The following SCN11A variants were observed in gnomAD, a reference collection of about 807,000 sequenced individuals.
SCN11A encodes the protein sodium channel protein type 11 subunit alpha.
SCN11A carries 122 observed loss-of-function variants against 162.2 expected under a neutral mutation model. The observed-to-expected ratio is 0.75, with a 90% CI of 0.65 to 0.87. SCN11A has a LOEUF of 0.87. Ranked by LOEUF, SCN11A falls within the 40% of genes least tolerant of loss-of-function variation. The pLI, the probability that SCN11A is intolerant of heterozygous loss-of-function variation, is 0.00. For missense variants in SCN11A, 2,015 were observed against 2,181.6 expected (o/e 0.92, Z 1.52); for synonymous variants, 758 against 751.5 (o/e 1.01, Z -0.14).
At chr3:39,013,822 C>G (rs1036999884) in intron 2 of SCN11A, among the ~76,000 whole-genome samples, 1 of 152,226 alleles carries the variant, frequency 6.6e-6, no homozygotes, top group African/African-American at 2.4e-5. Context: ...AACAGCAGGT[C>G]TGGCTGTATC....
intron 11 of SCN11A, among the ~76,000 whole-genome samples, chr3:38,916,369 C>T (rs1274945656): frequency 6.6e-6 from 1 of 152,180 alleles, no homozygotes; most frequent in African/African-American, 2.4e-5. Context: ...ATGCATCCAT[C>T]CAGCTTTCTT....
intron 20 of SCN11A, 32 bp from the exon 21 acceptor site, chr3:38,885,434 T>A: frequency 8.4e-7 from 1 of 1,186,026 alleles, no homozygotes. Flanking sequence ...AGGGGGTGCC[T>A]TTTACTAAGA....
In SCN11A at chr3:38,988,660, C is replaced by T. The variant is rs182675100; in HGVS notation, c.-279-28237G>A. On this transcript the variant is annotated intron_variant, in intron 2 of 29. Coordinates refer to ENST00000302328, the MANE Select transcript of SCN11A (RefSeq NM_001349253.2). ...ATATTCCCTCCCCTCATAACAACTC[C>T]GTTCAGAGTGTTATAAGACTGCTAG... Among the ~76,000 whole-genome samples, 537 of 152,286 alleles carry T rather than the reference C, an allele frequency of 3.5e-3. 3 individuals carry two copies. Among genetic ancestry groups the T allele is most frequent in the Non-Finnish European group, 7.6e-4 (52 of 68,036 alleles).
intron 28 of SCN11A, among the ~76,000 whole-genome samples, chr3:38,856,277 A>T (rs1482618871): frequency 6.6e-6 from 1 of 152,196 alleles, no homozygotes; most frequent in Non-Finnish European, 1.5e-5. Context: ...CACAGTATGG[A>T]GGCATCTATA....
intron 2 of SCN11A, among the ~76,000 whole-genome samples, chr3:38,968,934 A>G (rs1232573425): frequency 6.6e-6 from 1 of 152,232 alleles, no homozygotes; most frequent in African/African-American, 2.4e-5. Context: ...GTATTTATAT[A>G]TGTGGTCTCC....
chr3:38,995,875 C>G (rs2125596155), intron 2 of SCN11A, among the ~76,000 whole-genome samples: 1 of 133,746 alleles, frequency 7.5e-6, no homozygotes, highest in East Asian at 2.3e-4. Flanking sequence ...GAACCCTGAC[C>G]AATACAAAGC....
chr3:38,939,360 A>C (rs2066405756), intron 7 of SCN11A, among the ~76,000 whole-genome samples: 1 of 152,092 alleles, frequency 6.6e-6, no homozygotes, highest in Non-Finnish European at 1.5e-5. Flanking sequence ...GCCTCTGGCA[A>C]TTCTAATCAC....
chr3:38,941,398 A>G (rs2066440923), intron 7 of SCN11A, among the ~76,000 whole-genome samples: 1 of 152,216 alleles, frequency 6.6e-6, no homozygotes, highest in African/African-American at 2.4e-5. Flanking sequence ...CACAAGATAT[A>G]TTAAAGGAAG....
intron 7 of SCN11A, among the ~76,000 whole-genome samples, chr3:38,931,105 T>C (rs928377654): frequency 1.3e-5 from 2 of 151,972 alleles, no homozygotes; most frequent in Non-Finnish European, 2.9e-5. Flanking sequence ...AAGCAACGAG[T>C]AGCAACCCCT....
At chr3:39,045,733 C>G (rs2032167256) in intron 1 of SCN11A, among the ~76,000 whole-genome samples, 1 of 152,128 alleles carries the variant, frequency 6.6e-6, no homozygotes, top group Non-Finnish European at 1.5e-5. Context: ...AAAACTGGAA[C>G]AAGACAAAGA....
At position 38,950,078 on chromosome 3, in the gene SCN11A, C is replaced by CCGCCCCCCCCCCCG. The variant is rs1553644474; in HGVS notation, c.267+17_267+18insCGGGGGGGGGGGCG. ...GAACACCCCCACCCCCACCCCCCCC[C>CCGCCCCCCCCCCCG]CCCGCCCAATGAAGTACCTTATGAT... On this transcript the variant is annotated intron_variant, in intron 5 of 29. Coordinates refer to ENST00000302328, the MANE Select transcript of SCN11A (RefSeq NM_001349253.2). The CCGCCCCCCCCCCCG allele has an allele frequency of 7.1e-6, 1 of 139,974 alleles. No homozygotes were observed. The highest frequency in any genetic ancestry group is 3.6e-5 in the African/African-American group (1 of 27,720). 8.7% of individuals were successfully genotyped at this position (139,974 alleles called of 1,614,324 possible). A position where few individuals can be genotyped will look rare whatever the true frequency, so the allele number is the denominator to read the frequency against.
chr3:38,956,183 T>C (rs569856074), intron 3 of SCN11A, among the ~76,000 whole-genome samples: 1 of 151,958 alleles, frequency 6.6e-6, no homozygotes, highest in Admixed American at 6.6e-5. Context: ...AGGTGGAGGT[T>C]GCCATGAGCC....
intron 1 of SCN11A, among the ~76,000 whole-genome samples, chr3:39,043,177 C>T (rs868114557): frequency 1.2e-4 from 19 of 152,002 alleles, no homozygotes; most frequent in Middle Eastern, 3.4e-3. Flanking sequence ...CAAATGTTGG[C>T]GAGGATGTGG....
chr3:38,887,607 A>T (rs1400597604), intron 19 of SCN11A, among the ~76,000 whole-genome samples: 1 of 151,754 alleles, frequency 6.6e-6, no homozygotes, highest in East Asian at 1.9e-4. Flanking sequence ...TAAAAAAATA[A>T]AAAATAAAAT....
chr3:38,871,669 G>T lies in SCN11A; in HGVS notation c.3535C>A (p.Leu1179Met), dbSNP rs2065128570. 1 of 1,612,102 alleles carries T rather than the reference G, an allele frequency of 6.2e-7. No homozygotes were observed. Among genetic ancestry groups the T allele is most frequent in the Admixed American group, 1.7e-5 (1 of 59,786 alleles). Residue 1179 changes from leucine (L) to methionine (M), a missense_variant, in exon 25 of 30, where the codon CTG becomes ATG. Coordinates refer to ENST00000302328, the MANE Select transcript of SCN11A (RefSeq NM_001349253.2). ...NALIGAIPAILNVLLVCLIFW... is the reference protein window; with the variant it reads ...NALIGAIPAIMNVLLVCLIFW... ...ATGAGGCAGACAAGCAAAACATTCA[G>T]AATGGCAGGTATGGCACCTATGAGA...
At chr3:38,981,336 T>C (rs1166885789) in intron 2 of SCN11A, among the ~76,000 whole-genome samples, 1 of 152,174 alleles carries the variant, frequency 6.6e-6, no homozygotes, top group Non-Finnish European at 1.5e-5. Flanking sequence ...GTGCCTTCTT[T>C]TGTACTTTAA....
intron 2 of SCN11A, among the ~76,000 whole-genome samples, chr3:38,987,930 T>G (rs1213495017): frequency 6.6e-6 from 1 of 152,180 alleles, no homozygotes; most frequent in Non-Finnish European, 1.5e-5. Flanking sequence ...TTTGCCATCC[T>G]GGGAAGGATT....
intron 2 of SCN11A, among the ~76,000 whole-genome samples, chr3:39,000,334 T>A (rs1004565007): frequency 6.6e-6 from 1 of 152,134 alleles, no homozygotes; most frequent in Non-Finnish European, 1.5e-5. Context: ...AGAGCTTGGT[T>A]TTACAAGTCC....
At chr3:38,945,383 G>A (rs1161756718) in intron 7 of SCN11A, 28 bp downstream of exon 7, 19 of 1,476,552 alleles carry the variant, frequency 1.3e-5, no homozygotes, top group Non-Finnish European at 1.8e-5. Context: ...AAAAACTTAG[G>A]ACAGGTGAGT....
Sources: gnomAD v4.1 joint callset for allele counts (sites outside exome capture counted in the v4.1 genomes callset) on GRCh38, gnomAD v4.1.1 for gene constraint, MANE v1.5 for transcripts, NCBI Gene and HGNC (gene_info 2026-07-23, HGNC 2026-07-21) for gene names.